CTSK: variants seen among roughly 807,000 people sequenced by gnomAD.
CTSK encodes the protein cathepsin K.
In CTSK, 26 loss-of-function variants were observed where a neutral mutation model predicts 40.5. That is an observed-to-expected ratio of 0.64 (90% CI 0.47 to 0.89). The LOEUF is 0.89. CTSK is among the 40% of genes least tolerant of loss of function. The probability of loss-of-function intolerance (pLI) is 0.00; values close to 1 mark genes in which losing one functional copy is unlikely to be tolerated. For synonymous variants in CTSK, 132 were observed against 143.2 expected, an observed-to-expected ratio of 0.92 and a Z score of 0.56; for missense variants, 292 against 400.1, an observed-to-expected ratio of 0.73 and a Z score of 2.30.
intron 2 of CTSK, 43 bp from the exon 3 acceptor site, chr1:150,806,267 T>C: frequency 6.2e-7 from 1 of 1,606,690 alleles, no homozygotes; most frequent in African/African-American, 1.3e-5. Context: ...TGTCTACAGT[T>C]ACATATGTAA....
At chr1:150,797,599 AAGAGGAG>A (rs1653900300) in intron 7 of CTSK, among the ~76,000 whole-genome samples, 1 of 152,158 alleles carries the variant, frequency 6.6e-6, no homozygotes, top group East Asian at 1.9e-4. Flanking sequence ...CGACGTGAGA[AAGAGGAG>A]AGAGGAGAGA....
intron 1 of CTSK, among the ~76,000 whole-genome samples, chr1:150,807,078 TCTCACACACACACACACACACACACACA>T (rs1431980506): frequency 1.7e-5 from 2 of 120,504 alleles, no homozygotes; most frequent in Admixed American, 1.8e-4. Context: ...TCTCTCTCTC[TCTCACACACACACACACACACACACACA>T]CACACACACA....
chr1:150,805,071 G>T (rs1419249962), intron 4 of CTSK, among the ~76,000 whole-genome samples: 1 of 151,872 alleles, frequency 6.6e-6, no homozygotes, highest in African/African-American at 2.4e-5. Context: ...AAAATTAGCT[G>T]GGTGTGGTGG....
At chr1:150,797,267 A>C (rs1044268989) in intron 7 of CTSK, among the ~76,000 whole-genome samples, 2 of 152,172 alleles carry the variant, frequency 1.3e-5, no homozygotes, top group African/African-American at 4.8e-5. Flanking sequence ...CAGTGTGCCT[A>C]ACAGGGTGTA....
intron 5 of CTSK, among the ~76,000 whole-genome samples, chr1:150,800,100 G>A (rs968160758): frequency 2.0e-5 from 3 of 151,558 alleles, no homozygotes; most frequent in African/African-American, 7.3e-5. Flanking sequence ...GGGAGGCTGA[G>A]GCAGGAGAAT....
In CTSK at chr1:150,796,626, A is replaced by G. The variant is rs201778975; in HGVS notation, c.*173T>C. 25 of 711,008 alleles carry G rather than the reference A, an allele frequency of 3.5e-5. No homozygotes were observed. Among genetic ancestry groups the G allele is most frequent in the Non-Finnish European group, 5.9e-5 (23 of 391,560 alleles). 44.0% of individuals were successfully genotyped at this position (711,008 alleles called of 1,614,324 possible). ...GTGAAAAAGGTCATGGGTGGAGAGA[A>G]GCAAAGTAGGAAGGATCATTTGAAG... On this transcript the variant is annotated 3_prime_UTR_variant, in exon 8 of 8. Transcript: ENST00000271651.
intron 7 of CTSK, among the ~76,000 whole-genome samples, chr1:150,798,085 A>G (rs1480946586): frequency 6.6e-6 from 1 of 152,184 alleles, no homozygotes; most frequent in Non-Finnish European, 1.5e-5. Context: ...AGGAAAGGAA[A>G]ACTATAATTG....
At chr1:150,802,413 C>CA (rs1170534603) in intron 5 of CTSK, among the ~76,000 whole-genome samples, 2 of 151,040 alleles carry the variant, frequency 1.3e-5, no homozygotes, top group Non-Finnish European at 1.5e-5. Context: ...ATGTCTCTAC[C>CA]AAAAAAAACG....
chr1:150,796,844 GTTC>G lies in CTSK; in HGVS notation c.942_944del (p.Lys314del). ...CCAGGTTGGCAATGCCACAGGCGTT[GTTC>G]TTATTTCGAGCCATGAGGATATATC... On this transcript the variant is annotated inframe_deletion, in exon 8 of 8. Coordinates refer to ENST00000271651, the MANE Select transcript of CTSK (RefSeq NM_000396.4). 1.2e-6 allele frequency: 2 copies of G among 1,614,120 alleles called. No homozygotes were observed. The highest frequency in any genetic ancestry group is 1.7e-6 in the Non-Finnish European group (2 of 1,179,998).
chr1:150,803,956 T>C, intron 5 of CTSK, 65 bp downstream of exon 5: 1 of 1,332,942 alleles, frequency 7.5e-7, no homozygotes, highest in Non-Finnish European at 1.1e-6. Context: ...TTGTTTCCAG[T>C]ACAAAACATC....
chr1:150,800,996 A>G (rs1164825194), intron 5 of CTSK: 1 of 152,358 alleles, frequency 6.6e-6, no homozygotes, highest in Non-Finnish European at 1.5e-5. Flanking sequence ...GTGAAACAGA[A>G]TATCTTGGAA....
intron 5 of CTSK, among the ~76,000 whole-genome samples, chr1:150,802,288 A>C (rs1395234308): frequency 6.6e-6 from 1 of 151,768 alleles, no homozygotes; most frequent in Non-Finnish European, 1.5e-5. Flanking sequence ...CAAAAAAAAA[A>C]AAAAAAGGGT....
Position 150,799,258 on chromosome 1 carries a change from T to C in CTSK, c.800A>G (p.Glu267Gly). ...GTTCAGATTATCGCTATTGCAGCTT[T>C]CATCATAATACACACCTAGAATACA... ...QFYSKGVYYD[E>G]SCNSDNLNHA... Residue 267 changes from glutamate to glycine, a missense_variant, in exon 7 of 8, where the codon GAA becomes GGA. By Grantham distance (98) the Glu-to-Gly change is moderately conservative (BLOSUM62 -2). Transcript: ENST00000271651. 6.2e-7 allele frequency: 1 copy of C among 1,611,412 alleles called. No homozygotes were observed. Among genetic ancestry groups the C allele is most frequent in the Non-Finnish European group, 8.5e-7 (1 of 1,177,496 alleles).
intron 2 of CTSK, 103 bp downstream of exon 2, chr1:150,806,583 G>T: frequency 6.8e-7 from 1 of 1,472,884 alleles, no homozygotes; most frequent in Non-Finnish European, 9.5e-7. Flanking sequence ...GGACTGATTT[G>T]CTTGGAATAA....
In CTSK at chr1:150,806,953, G is replaced by A. The variant is rs1209452638; in HGVS notation, c.-1-147C>T. The A allele has an allele frequency of 1.2e-5, 11 of 931,072 alleles. No homozygotes were observed. The Admixed American group carries it at 2.0e-4, about 17-fold the overall frequency. The allele number at this position is 931,072 out of a possible 1,614,324, so 57.7% of individuals were successfully genotyped here. On this transcript the variant is annotated intron_variant, in intron 1 of 7. Transcript: ENST00000271651. ...GGGCCTGTGTTTAGATAGGATGCTG[G>A]TACATCTGGTTCCAAGGACTTTGAT...
intron 2 of CTSK, 62 bp downstream of exon 2, chr1:150,806,624 G>A (rs1478215155): frequency 1.2e-6 from 2 of 1,608,756 alleles, no homozygotes; most frequent in Non-Finnish European, 1.7e-6. Context: ...GAGTCTGGAA[G>A]CTAAGATGAG....
chr1:150,803,952 C>T (rs1654038610), intron 5 of CTSK, 69 bp downstream of exon 5: 3 of 1,274,966 alleles, frequency 2.4e-6, no homozygotes, highest in African/African-American at 1.5e-5. Context: ...GGAATTGTTT[C>T]CAGTACAAAA....
At position 150,803,296 on chromosome 1, in the gene CTSK, G is replaced by A. The variant is rs115279887; in HGVS notation, c.618+725C>T. On this transcript the variant is annotated intron_variant, in intron 5 of 7. Coordinates refer to ENST00000271651, the MANE Select transcript of CTSK (RefSeq NM_000396.4). ...TTCCTCACCTATACATTCAAGATAA[G>A]TCTACCTAACAGAGTTGTTATGAGA... Among the ~76,000 whole-genome samples the A allele has an allele frequency of 5.9e-3, 895 of 152,178 alleles. 10 individuals are homozygous for A. Among genetic ancestry groups the A allele is most frequent in the Non-Finnish European group, 7.0e-3 (474 of 68,012 alleles).
rs1221679860 is a variant in CTSK, at chr1:150,804,036, G to A, written c.603C>T (p.Tyr201=). The A allele has an allele frequency of 6.2e-7, 1 of 1,613,968 alleles. No individual in the cohort carries two copies. The highest frequency in any genetic ancestry group is 8.5e-7 in the Non-Finnish European group (1 of 1,179,960). ...KNRGIDSEDA[Y]PYVGQEESCM... ...GCAATCTCACCTGTCCCACATATGG[G>A]TAGGCATCTTCAGAGTCAATACCCC... Residue 201 remains tyrosine, a synonymous_variant, in exon 5 of 8, where the codon TAC becomes TAT. Coordinates refer to ENST00000271651, the MANE Select transcript of CTSK (RefSeq NM_000396.4).
Sources: gnomAD v4.1 joint callset for allele counts (sites outside exome capture counted in the v4.1 genomes callset) on GRCh38, gnomAD v4.1.1 for gene constraint, MANE v1.5 for transcripts, NCBI Gene and HGNC (gene_info 2026-07-23, HGNC 2026-07-21) for gene names.